NEDD1: variants seen among roughly 807,000 people sequenced by gnomAD.
NEDD1 encodes NEDD1 gamma-tubulin ring complex targeting factor.
NEDD1 carries 33 observed loss-of-function variants against 74.0 expected under a neutral mutation model. That is an observed-to-expected ratio of 0.45 (90% confidence interval 0.34 to 0.60). The LOEUF (loss-of-function observed/expected upper bound fraction) is 0.60, where lower values mean the gene tolerates loss of function less well. Ranked by LOEUF, NEDD1 falls within the 20% of genes least tolerant of loss-of-function variation. NEDD1 has a pLI of 0.01. For synonymous variants in NEDD1, 250 were observed against 264.4 expected (o/e 0.95, Z 0.53); for missense variants, 746 against 776.5 (o/e 0.96, Z 0.47).
intron 6 of NEDD1, 111 bp from the exon 7 acceptor site, chr12:96,934,865 A>T: frequency 1.4e-6 from 1 of 716,050 alleles, no homozygotes. Flanking sequence ...CACATCAGAG[A>T]AATCCTAAAC....
intron 3 of NEDD1, among the ~76,000 whole-genome samples, chr12:96,910,137 C>G (rs1937736426): frequency 6.6e-6 from 1 of 152,124 alleles, no homozygotes; most frequent in African/African-American, 2.4e-5. Context: ...TTTGAAAACA[C>G]TGCTATTAAA....
chr12:96,951,623 T>G (rs1439394119), intron 15 of NEDD1, 125 bp downstream of exon 15: 2 of 568,824 alleles, frequency 3.5e-6, no homozygotes, highest in Non-Finnish European at 3.1e-6. Context: ...TAGGGAGTTT[T>G]ATAGACTAAA....
Position 96,909,810 on chromosome 12 carries a change from G to A in NEDD1, c.51G>A (p.Trp17Ter). ...CATCAGGAGATGATATTAAAATATG[G>A]GATGCTTCATCTATGACATTGGTGG... is the stretch of plus-strand genomic sequence containing the variant. Reference protein sequence around the residue: ...FASSGDDIKIWDASSMTLVDK... With the variant: ...FASSGDDIKI Residue 17 changes from tryptophan to a stop codon, truncating the protein, a stop_gained, in exon 3 of 16, where the codon TGG becomes TGA. Transcript: ENST00000266742. LOFTEE classifies it high-confidence loss of function. The A allele has an allele frequency of 6.2e-7, 1 of 1,613,018 alleles. No individual in the cohort carries two copies. The highest frequency in any genetic ancestry group is 8.5e-7 in the Non-Finnish European group (1 of 1,179,316).
chr12:96,919,350 A>G (rs894661368), intron 5 of NEDD1, among the ~76,000 whole-genome samples: 2 of 152,186 alleles, frequency 1.3e-5, no homozygotes, highest in African/African-American at 4.8e-5. Flanking sequence ...TCAGTGTCTC[A>G]TGTACTTCAT....
In NEDD1 at chr12:96,945,821, A is replaced by T. The variant is rs779658606; in HGVS notation, c.1783A>T (p.Met595Leu). The T allele has an allele frequency of 5.6e-6, 9 of 1,611,970 alleles. No homozygotes were observed. The highest frequency in any genetic ancestry group is 4.4e-5 in the South Asian group (4 of 91,004). The change falls in exon 14 of 16, where the codon ATG (methionine) becomes TTG (leucine). Residue 595 changes from methionine (M) to leucine (L), a missense_variant. Physicochemically the swap from Met to Leu is conservative, Grantham distance 15 (BLOSUM62 2). Transcript: ENST00000266742. Reference sequence around the variant, plus strand: ...CATTCAAATTCGTTTTATTCAGAACATGATACAGGAAACGTTGGATGACTT... The same window carrying T: ...CATTCAAATTCGTTTTATTCAGAACTTGATACAGGAAACGTTGGATGACTT... ...TSIQIRFIQNMIQETLDDFRE... is the reference protein window; with the variant it reads ...TSIQIRFIQNLIQETLDDFRE...
At chr12:96,940,625 C>A in intron 10 of NEDD1, 88 bp downstream of exon 10, 2 of 883,344 alleles carry the variant, frequency 2.3e-6, no homozygotes, top group Non-Finnish European at 3.4e-6. Flanking sequence ...TTCAGTCCAA[C>A]TCTATTCACG....
chr12:96,948,173 C>T (rs1878378346), intron 14 of NEDD1, among the ~76,000 whole-genome samples: 2 of 152,130 alleles, frequency 1.3e-5, no homozygotes, highest in Non-Finnish European at 2.9e-5. Flanking sequence ...TTCTCTGCTG[C>T]CCTAAGGTTT....
intron 9 of NEDD1, among the ~76,000 whole-genome samples, chr12:96,939,487 TG>T (rs1877454943): frequency 6.6e-6 from 1 of 152,100 alleles, no homozygotes; most frequent in Non-Finnish European, 1.5e-5. Flanking sequence ...TCGCCAGTCT[TG>T]GGCATTTTTG....
intron 9 of NEDD1, among the ~76,000 whole-genome samples, chr12:96,938,862 T>C (rs1169289912): frequency 6.6e-6 from 1 of 151,976 alleles, no homozygotes; most frequent in Non-Finnish European, 1.5e-5. Flanking sequence ...TTTCTTTGCC[T>C]CTGAAACATT....
Position 96,907,624 on chromosome 12 carries a change from G to C in NEDD1, c.-241G>C, listed in dbSNP as rs1873461754. On this transcript the variant is annotated 5_prime_UTR_variant, in exon 2 of 16. Transcript: ENST00000266742. ...GGCAGGTACTTGGATGCATTTTACAGGTTAGCCTCACTTGAGCTGTTGTCC... is the reference window on the plus strand; with the variant it reads ...GGCAGGTACTTGGATGCATTTTACACGTTAGCCTCACTTGAGCTGTTGTCC... 3 of 1,551,324 alleles carry C rather than the reference G, an allele frequency of 1.9e-6. No homozygotes were observed. The highest frequency in any genetic ancestry group is 2.6e-6 in the Non-Finnish European group (3 of 1,146,678).
At chr12:96,909,616 A>G (rs1335744371) in intron 2 of NEDD1, 136 bp from the exon 3 acceptor site, 6 of 656,342 alleles carry the variant, frequency 9.1e-6, no homozygotes, top group African/African-American at 7.3e-5. Context: ...AATCACTTCA[A>G]CTGCTTTGGT....
chr12:96,918,765 A>G (rs1371418735), intron 5 of NEDD1, among the ~76,000 whole-genome samples: 1 of 152,234 alleles, frequency 6.6e-6, no homozygotes, highest in African/African-American at 2.4e-5. Context: ...AGTTGAAATT[A>G]GGAAGACACT....
At chr12:96,923,788 T>TTGTGTGTGTG (rs10528785) in intron 6 of NEDD1, among the ~76,000 whole-genome samples, 12,785 of 142,008 alleles carry the variant, frequency 0.09, 722 homozygotes, top group Non-Finnish European at 0.11. Context: ...TAATACCTGT[T>TTGTGTGTGTG]TGTGTGTGTG....
chr12:96,923,787 TTTGTGTGTG>T, intron 6 of NEDD1, among the ~76,000 whole-genome samples: 1 of 119,162 alleles, frequency 8.4e-6, no homozygotes, highest in East Asian at 2.4e-4. Flanking sequence ...TTAATACCTG[TTTGTGTGTG>T]TGTGTGTGTG....
In NEDD1 at chr12:96,930,211, A is replaced by ACT. The variant is rs143562580; in HGVS notation, c.490-4733_490-4732dup. Among the ~76,000 whole-genome samples the ACT allele has an allele frequency of 7.0e-3, 621 of 89,144 alleles. 3 individuals are homozygous for ACT. The highest frequency in any genetic ancestry group is 8.3e-3 in the South Asian group (20 of 2,404). The allele number at this position is 89,144 out of a possible 152,430, so 58.5% of individuals were successfully genotyped here. On this transcript the variant is annotated intron_variant, in intron 6 of 15. Transcript: ENST00000266742. ...CACACACACACACACACACACACAC[A>ACT]CTCTCTCTCTCTCTCTCTCTCTCTC...
intron 13 of NEDD1, among the ~76,000 whole-genome samples, chr12:96,945,054 G>A (rs966969179): frequency 6.6e-6 from 1 of 150,644 alleles, no homozygotes; most frequent in Non-Finnish European, 1.5e-5. Context: ...GGTAGAGATA[G>A]AATTATTATG....
At chr12:96,917,771 T>C (rs369952853) in intron 5 of NEDD1, 34 bp downstream of exon 5, 350 of 1,534,344 alleles carry the variant, frequency 2.3e-4, no homozygotes, top group Non-Finnish European at 2.9e-4. Context: ...CATGAAAAAA[T>C]GGATATCTTA....
intron 4 of NEDD1, among the ~76,000 whole-genome samples, chr12:96,913,102 G>C (rs1592856963): frequency 6.6e-6 from 1 of 152,102 alleles, no homozygotes; most frequent in African/African-American, 2.4e-5. Context: ...CTCTGTTGCT[G>C]CTATTTTAGG....
At chr12:96,908,501 G>A (rs995906228) in intron 2 of NEDD1, among the ~76,000 whole-genome samples, 1 of 151,874 alleles carries the variant, frequency 6.6e-6, no homozygotes, top group Non-Finnish European at 1.5e-5. Context: ...CTCACTTATC[G>A]TTCATTACTA....
Sources: allele counts gnomAD v4.1 joint callset (sites outside exome capture counted in the v4.1 genomes callset), GRCh38; gene constraint gnomAD v4.1.1; transcripts MANE v1.5; gene names NCBI Gene and HGNC (gene_info 2026-07-23, HGNC 2026-07-21).